CADPS2: variants seen among roughly 807,000 people sequenced by gnomAD.
The protein encoded by CADPS2 is calcium-dependent secretion activator 2.
CADPS2 carries 93 observed loss-of-function variants against 172.5 expected under a neutral mutation model. The ratio of observed to expected loss-of-function variants is 0.54; its 90% CI spans 0.46 to 0.64. CADPS2 has a LOEUF of 0.64. Ranked by LOEUF, CADPS2 falls within the 30% of genes least tolerant of loss-of-function variation. The pLI is 0.00. For synonymous variants in CADPS2, 546 were observed against 555.2 expected (o/e 0.98, Z 0.23); for missense variants, 1,420 against 1,565.9 (o/e 0.91, Z 1.57).
intron 24 of CADPS2, among the ~76,000 whole-genome samples, chr7:122,381,448 A>T (rs11972625): frequency 6.6e-6 from 1 of 152,064 alleles, no homozygotes; most frequent in African/African-American, 2.4e-5. Flanking sequence ...CTTATCCCCA[A>T]TGTTTTTCTC....
intron 1 of CADPS2, among the ~76,000 whole-genome samples, chr7:122,794,193 G>A (rs953105795): frequency 1.3e-5 from 2 of 151,900 alleles, no homozygotes; most frequent in African/African-American, 4.8e-5. Flanking sequence ...CCTAAAATAT[G>A]TTTACCAAGT....
intron 11 of CADPS2, among the ~76,000 whole-genome samples, chr7:122,481,688 T>C (rs1586494707): frequency 6.6e-6 from 1 of 151,110 alleles, no homozygotes; most frequent in East Asian, 2.0e-4. Flanking sequence ...TGACAATAAA[T>C]TGATATCGAA....
Position 122,393,181 on chromosome 7 carries a change from G to T in CADPS2, c.3008+15C>A, listed in dbSNP as rs1238137584. On this transcript the variant is annotated intron_variant, in intron 22 of 29. Transcript: ENST00000449022. ...CAGCTAACACACCACCAGGAAATAAGTGAGGAATACACACGTGGACTCATA... is the reference window on the plus strand; with the variant it reads ...CAGCTAACACACCACCAGGAAATAATTGAGGAATACACACGTGGACTCATA... The T allele has an allele frequency of 6.2e-7, 1 of 1,612,384 alleles. No individual in the cohort carries two copies. The highest frequency in any genetic ancestry group is 1.7e-5 in the Admixed American group (1 of 59,906).
At chr7:122,335,107 C>A in intron 28 of CADPS2, among the ~76,000 whole-genome samples, 1 of 152,176 alleles carries the variant, frequency 6.6e-6, no homozygotes, top group East Asian at 1.9e-4. Flanking sequence ...CATTTCCCAC[C>A]ATTTTTTACA....
intron 3 of CADPS2, among the ~76,000 whole-genome samples, chr7:122,654,155 A>G (rs962542585): frequency 2.0e-5 from 3 of 152,270 alleles, no homozygotes; most frequent in African/African-American, 7.2e-5. Context: ...AAGCTAGGAG[A>G]AGTTGGTTCA....
At chr7:122,465,717 G>C (rs766745043) in intron 14 of CADPS2, among the ~76,000 whole-genome samples, 1 of 152,022 alleles carries the variant, frequency 6.6e-6, no homozygotes, top group South Asian at 2.1e-4. Flanking sequence ...AAAGGTTGAG[G>C]ACCACTGGTT....
chr7:122,862,720 T>C lies in CADPS2; in HGVS notation c.339+23279A>G, dbSNP rs576252939. 9.2e-4 allele frequency among the ~76,000 whole-genome samples: 140 copies of C among 152,154 alleles called. No homozygotes were observed. In the Middle Eastern group the frequency reaches 0.01, roughly 11 times the overall value. On this transcript the variant is annotated intron_variant, in intron 1 of 29. Coordinates refer to ENST00000449022, the MANE Select transcript of CADPS2 (RefSeq NM_017954.11). Reference sequence around the variant, plus strand: ...ACTCAATAATGATCAATAAGCTCCATTTTGTTTTTTTTAAAAAAAAAAGAA... The same window carrying C: ...ACTCAATAATGATCAATAAGCTCCACTTTGTTTTTTTTAAAAAAAAAAGAA...
At position 122,815,651 on chromosome 7, in the gene CADPS2, T is replaced by C. The variant is rs113534277; in HGVS notation, c.339+70348A>G. Among the ~76,000 whole-genome samples the C allele has an allele frequency of 8.1e-3, 1,231 of 152,176 alleles. 16 individuals are homozygous for C. Among genetic ancestry groups the C allele is most frequent in the Non-Finnish European group, 0.013 (877 of 67,972 alleles). On this transcript the variant is annotated intron_variant, in intron 1 of 29. Transcript: ENST00000449022. ...ATTCAAAATATATTGCAGCGAAACG[T>C]TAGACATCGACAAAGCTGATAGAGC...
intron 3 of CADPS2, among the ~76,000 whole-genome samples, chr7:122,662,076 G>T (rs942410946): frequency 6.6e-6 from 1 of 152,156 alleles, no homozygotes; most frequent in African/African-American, 2.4e-5. Flanking sequence ...GACTTGAAAT[G>T]ATCCACAAAT....
intron 28 of CADPS2, among the ~76,000 whole-genome samples, chr7:122,340,729 G>A (rs1563102381): frequency 6.6e-6 from 1 of 151,912 alleles, no homozygotes; most frequent in Non-Finnish European, 1.5e-5. Context: ...CATCACAGTA[G>A]GCATTAAAAA....
intron 1 of CADPS2, among the ~76,000 whole-genome samples, chr7:122,799,647 C>T (rs184098531): frequency 4.3e-4 from 64 of 149,896 alleles, no homozygotes; most frequent in African/African-American, 1.5e-3. Flanking sequence ...ATCTAGAATG[C>T]AATTAACCTA....
At chr7:122,702,980 AGAAAATTATGACATCCAAATGG>A (rs1461707850) in intron 2 of CADPS2, 7 of 460,878 alleles carry the variant, frequency 1.5e-5, no homozygotes, top group Non-Finnish European at 2.3e-5. Context: ...TGTGATTTCA[AGAAAATTATGACATCCAAATGG>A]GGAAATTATG....
In CADPS2 at chr7:122,441,585, CAAAA is replaced by C. The variant is rs1397928469; in HGVS notation, c.2289-14_2289-11del. 3.3e-6 allele frequency: 5 copies of C among 1,515,734 alleles called. No individual in the cohort carries two copies. The highest frequency in any genetic ancestry group is 4.4e-6 in the Non-Finnish European group (5 of 1,130,204). The allele number at this position is 1,515,734 out of a possible 1,614,324, so 93.9% of individuals were successfully genotyped here. The stretch of plus-strand genomic sequence containing the variant: ...AAAGGGAAAACAGTATCTTTAAAAA[CAAAA>C]GAAAGAACAAAAGAGTCAAACATTT... On this transcript the variant is annotated splice_polypyrimidine_tract_variant and intron_variant, in intron 15 of 29. Transcript: ENST00000449022.
intron 1 of CADPS2, among the ~76,000 whole-genome samples, chr7:122,847,912 G>A (rs373970338): frequency 7.8e-4 from 118 of 152,244 alleles, no homozygotes; most frequent in African/African-American, 2.7e-3. Context: ...AAAGCAATAC[G>A]GTAGCAAAGC....
rs1281164488 is a variant in CADPS2, at chr7:122,820,606, C to A, written c.339+65393G>T. Among the ~76,000 whole-genome samples the A allele has an allele frequency of 2.6e-5, 3 of 116,714 alleles. 1 individual carries two copies. The highest frequency in any genetic ancestry group is 1.9e-4 in the Admixed American group (2 of 10,684). 76.6% of individuals were successfully genotyped at this position (116,714 alleles called of 152,430 possible). A position where few individuals can be genotyped will look rare whatever the true frequency, so the allele number is the denominator to read the frequency against. ...ACGGAGTCTCGCTCTGTCGCCCAGG[C>A]TGGAGTGCAGTGGCGCGATCTCGGC... is the stretch of plus-strand genomic sequence containing the variant. On this transcript the variant is annotated intron_variant, in intron 1 of 29. Transcript: ENST00000449022.
chr7:122,705,668 ATATAT>A (rs1564121513), intron 2 of CADPS2, among the ~76,000 whole-genome samples: 1 of 78,504 alleles, frequency 1.3e-5, no homozygotes, highest in African/African-American at 5.4e-5. Flanking sequence ...CTCATATATA[ATATAT>A]TATATAATAT....
At chr7:122,582,608 CAGAACCAAA>C (rs2068996970) in intron 6 of CADPS2, among the ~76,000 whole-genome samples, 1 of 151,920 alleles carries the variant, frequency 6.6e-6, no homozygotes, top group South Asian at 2.1e-4. Flanking sequence ...AAAATAGATT[CAGAACCAAA>C]ATAAGGCATA....
At chr7:122,473,445 C>G (rs2056237923) in intron 13 of CADPS2, among the ~76,000 whole-genome samples, 2 of 152,154 alleles carry the variant, frequency 1.3e-5, no homozygotes, top group Non-Finnish European at 2.9e-5. Flanking sequence ...TTTAACAAAG[C>G]TCAAAGGAAA....
chr7:122,807,089 T>C (rs1237496934), intron 1 of CADPS2, among the ~76,000 whole-genome samples: 1 of 152,202 alleles, frequency 6.6e-6, no homozygotes, highest in Non-Finnish European at 1.5e-5. Context: ...AGCACATTTG[T>C]ATTTGCTTCT....
Sources: allele counts gnomAD v4.1 joint callset (sites outside exome capture counted in the v4.1 genomes callset), GRCh38; gene constraint gnomAD v4.1.1; transcripts MANE v1.5; gene names NCBI Gene and HGNC (gene_info 2026-07-23, HGNC 2026-07-21).